PSD3: variants seen among roughly 807,000 people sequenced by gnomAD.
PSD3 encodes PH and SEC7 domain-containing protein 3.
Under a neutral mutation model 105.5 loss-of-function variants are expected in PSD3, and 49 were observed. The ratio of observed to expected loss-of-function variants is 0.46; its 90% CI spans 0.37 to 0.59. The LOEUF (loss-of-function observed/expected upper bound fraction) is 0.59. PSD3 is among the 20% of genes least tolerant of loss of function. The pLI is 0.00. For missense variants in PSD3, 1,561 were observed against 1,263.8 expected (o/e 1.24, Z -3.57); for synonymous variants, 557 against 457.8 (o/e 1.22, Z -2.77).
intron 1 of PSD3, among the ~76,000 whole-genome samples, chr8:18,941,660 A>AATGACTT (rs1822548992): frequency 6.8e-6 from 1 of 146,042 alleles, no homozygotes; most frequent in Non-Finnish European, 1.5e-5. Flanking sequence ...ACTGATGTAG[A>AATGACTT]ATGACTTTTT....
At chr8:19,081,757 C>T (rs6651477) in intron 1 of PSD3, among the ~76,000 whole-genome samples, 123,498 of 152,102 alleles carry the variant, frequency 0.81, 50,278 homozygotes, top group East Asian at 0.93. Context: ...TGTTTCATCA[C>T]TGAGAGAATA....
chr8:18,941,909 G>C (rs1437867006), intron 1 of PSD3, among the ~76,000 whole-genome samples: 1 of 152,018 alleles, frequency 6.6e-6, no homozygotes, highest in Non-Finnish European at 1.5e-5. Context: ...CTGACCTCAG[G>C]TGATCCGCCC....
chr8:18,763,992 A>G (rs976299297), intron 9 of PSD3, among the ~76,000 whole-genome samples: 1 of 152,208 alleles, frequency 6.6e-6, no homozygotes, highest in Non-Finnish European at 1.5e-5. Flanking sequence ...AGGAAGTCAA[A>G]GAACACGTTT....
At chr8:19,029,386 C>A (rs1036589821) in intron 1 of PSD3, among the ~76,000 whole-genome samples, 2 of 152,102 alleles carry the variant, frequency 1.3e-5, no homozygotes, top group Non-Finnish European at 2.9e-5. Flanking sequence ...TGTCCATTCT[C>A]ATGCTGCTAA....
chr8:18,785,526 C>G (rs1410596606), intron 8 of PSD3, among the ~76,000 whole-genome samples: 2 of 152,182 alleles, frequency 1.3e-5, no homozygotes, highest in Non-Finnish European at 2.9e-5. Flanking sequence ...GATACCCTAT[C>G]TACACCACCA....
intron 1 of PSD3, among the ~76,000 whole-genome samples, chr8:19,026,374 A>C (rs1384042464): frequency 2.0e-5 from 3 of 152,078 alleles, no homozygotes; most frequent in Non-Finnish European, 4.4e-5. Context: ...CATAACTCTC[A>C]GAGGTTTTTT....
chr8:18,556,926 C>T (rs1585233905), intron 14 of PSD3, among the ~76,000 whole-genome samples: 1 of 152,182 alleles, frequency 6.6e-6, no homozygotes, highest in Non-Finnish European at 1.5e-5. Context: ...GTTCTTAGTT[C>T]CTTCAACTTG....
chr8:18,676,661 A>G (rs190423874), intron 9 of PSD3, among the ~76,000 whole-genome samples: 10 of 152,284 alleles, frequency 6.6e-5, no homozygotes, highest in Non-Finnish European at 1.2e-4. Context: ...CGAGATAACT[A>G]TTACAACCAG....
chr8:18,637,676 T>A (rs1291420592), intron 10 of PSD3, among the ~76,000 whole-genome samples: 1 of 152,210 alleles, frequency 6.6e-6, no homozygotes, highest in Non-Finnish European at 1.5e-5. Context: ...TATCTATTCA[T>A]CTACCGAAAG....
At chr8:18,610,349 TCAAC>T in intron 11 of PSD3, among the ~76,000 whole-genome samples, 1 of 152,352 alleles carries the variant, frequency 6.6e-6, no homozygotes. Context: ...TGGTTGTACT[TCAAC>T]CACTCATACA....
intron 1 of PSD3, among the ~76,000 whole-genome samples, chr8:19,063,689 C>T (rs1270209062): frequency 2.6e-5 from 4 of 152,146 alleles, no homozygotes; most frequent in Non-Finnish European, 2.9e-5. Context: ...TCCTTCTTCC[C>T]TAGAAGTGTG....
chr8:18,680,293 C>T (rs374243032), intron 9 of PSD3, among the ~76,000 whole-genome samples: 1 of 152,148 alleles, frequency 6.6e-6, no homozygotes, highest in Non-Finnish European at 1.5e-5. Flanking sequence ...TTTGAAACCC[C>T]AAGGGTACCC....
intron 14 of PSD3, among the ~76,000 whole-genome samples, chr8:18,560,873 T>C (rs1038489240): frequency 2.0e-5 from 3 of 152,138 alleles, no homozygotes; most frequent in African/African-American, 7.2e-5. Flanking sequence ...ATGGTGCCTT[T>C]TGGAAAGTGA....
intron 12 of PSD3, among the ~76,000 whole-genome samples, chr8:18,591,277 G>C (rs780949009): frequency 1.3e-5 from 2 of 152,144 alleles, no homozygotes; most frequent in Non-Finnish European, 2.9e-5. Flanking sequence ...AAGGAAAGAG[G>C]TCTTTGCTAT....
chr8:19,011,682 T>C (rs767351762), intron 1 of PSD3, among the ~76,000 whole-genome samples: 1 of 152,160 alleles, frequency 6.6e-6, no homozygotes, highest in African/African-American at 2.4e-5. Context: ...ATGTTATTCT[T>C]TGGTCACAAA....
intron 9 of PSD3, among the ~76,000 whole-genome samples, chr8:18,684,714 G>C (rs1585613392): frequency 2.6e-5 from 4 of 152,244 alleles, no homozygotes; most frequent in Middle Eastern, 3.4e-3. Flanking sequence ...AAGATGTTCT[G>C]TTACCTCTCT....
intron 1 of PSD3, among the ~76,000 whole-genome samples, chr8:18,958,897 G>C (rs1025116366): frequency 6.7e-6 from 1 of 150,266 alleles, no homozygotes; most frequent in African/African-American, 2.5e-5. Context: ...TATACAAACA[G>C]GATACAGAGG....
rs1343627353 is a variant in PSD3, at chr8:18,572,720, A to G, written c.2640-48T>C. ...TATCAGGATATTGCCATGTCTAAGTAGCATCACACTTTGCCTATTTCACGT... is the reference window on the plus strand; with the variant it reads ...TATCAGGATATTGCCATGTCTAAGTGGCATCACACTTTGCCTATTTCACGT... On this transcript the variant is annotated intron_variant, in intron 13 of 15. Coordinates refer to ENST00000327040, the MANE Select transcript of PSD3 (RefSeq NM_015310.4). The G allele has an allele frequency of 1.9e-6, 3 of 1,581,120 alleles. No individual in the cohort carries two copies. The Admixed American group carries it at 5.2e-5, about 27-fold the overall frequency.
chr8:19,028,809 T>A (rs1484595655), intron 1 of PSD3, among the ~76,000 whole-genome samples: 1 of 152,202 alleles, frequency 6.6e-6, no homozygotes, highest in Non-Finnish European at 1.5e-5. Flanking sequence ...TTGTTATAGT[T>A]TTAGCTCTTA....
Sources: allele counts gnomAD v4.1 joint callset (sites outside exome capture counted in the v4.1 genomes callset), GRCh38; gene constraint gnomAD v4.1.1; transcripts MANE v1.5; gene names NCBI Gene and HGNC (gene_info 2026-07-23, HGNC 2026-07-21).